Variants in ME1 observed in about 807,000 individuals in gnomAD.
ME1 encodes the protein NADP-dependent malic enzyme.
Under a neutral mutation model 66.4 loss-of-function variants are expected in ME1, and 74 were observed. The observed-to-expected ratio is 1.11, with a 90% confidence interval of 0.92 to 1.35. The LOEUF is 1.35. Among genes scored for constraint, ME1 ranks in the 40% most tolerant of loss-of-function variants. ME1 has a pLI of 0.00. For missense variants in ME1, 750 were observed against 694.1 expected (o/e 1.08, Z -0.90); for synonymous variants, 251 against 235.6 (o/e 1.07, Z -0.60).
intron 5 of ME1, among the ~76,000 whole-genome samples, chr6:83,344,392 T>A (rs1296309491): frequency 6.6e-6 from 1 of 152,136 alleles, no homozygotes; most frequent in African/African-American, 2.4e-5. Context: ...ATATTACATA[T>A]TTTTGTGATT....
intron 5 of ME1, among the ~76,000 whole-genome samples, chr6:83,332,429 C>G (rs956003691): frequency 6.6e-6 from 1 of 152,130 alleles, no homozygotes; most frequent in African/African-American, 2.4e-5. Context: ...GAAAAGAAGC[C>G]ATTATATCAA....
intron 1 of ME1, among the ~76,000 whole-genome samples, chr6:83,420,580 C>A (rs1204069281): frequency 2.0e-5 from 3 of 152,132 alleles, no homozygotes; most frequent in African/African-American, 7.2e-5. Context: ...TAGTGGTCAT[C>A]CTTATACCCA....
rs375648446 is a variant in ME1, at chr6:83,307,596, G to A, written c.704+7714C>T. 2.2e-4 allele frequency among the ~76,000 whole-genome samples: 34 copies of A among 152,134 alleles called. 1 individual carries two copies. The highest frequency in any genetic ancestry group is 7.7e-4 in the African/African-American group (32 of 41,514). ...CTCACAGACTTATAGATAAAATCAC[G>A]TAAGTTATAAATATATCCCCGTCAT... On this transcript the variant is annotated intron_variant, in intron 6 of 13. Transcript: ENST00000369705.
In ME1 at chr6:83,279,455, C is replaced by T. The variant is rs529112336; in HGVS notation, c.705-25717G>A. Among the ~76,000 whole-genome samples the T allele has an allele frequency of 1.1e-4, 16 of 152,096 alleles. No homozygotes were observed. The South Asian group carries it at 3.1e-3, about 30-fold the overall frequency. On this transcript the variant is annotated intron_variant, in intron 6 of 13. Coordinates refer to ENST00000369705, the MANE Select transcript of ME1 (RefSeq NM_002395.6). ...GCAGAGCAATAGAAACTCTAAGAATCGAAAGGTAATGATAGAAGTCAAAGT... is the reference window on the plus strand; with the variant it reads ...GCAGAGCAATAGAAACTCTAAGAATTGAAAGGTAATGATAGAAGTCAAAGT...
intron 5 of ME1, among the ~76,000 whole-genome samples, chr6:83,331,019 A>G (rs1768397732): frequency 6.6e-6 from 1 of 152,132 alleles, no homozygotes; most frequent in African/African-American, 2.4e-5. Context: ...GCCAGACTAA[A>G]CATAAAACTA....
intron 1 of ME1, among the ~76,000 whole-genome samples, chr6:83,426,928 A>C (rs965522731): frequency 6.6e-6 from 1 of 152,226 alleles, no homozygotes; most frequent in Non-Finnish European, 1.5e-5. Context: ...AAAGGGAAAT[A>C]AACTAATTGA....
intron 8 of ME1, 112 bp downstream of exon 8, chr6:83,239,427 A>G: frequency 1.5e-6 from 1 of 649,024 alleles, no homozygotes; most frequent in Non-Finnish European, 2.7e-6. Flanking sequence ...TAAAGCCTAC[A>G]GTCATAATAT....
At chr6:83,367,165 T>C (rs921493491) in intron 3 of ME1, among the ~76,000 whole-genome samples, 3 of 152,056 alleles carry the variant, frequency 2.0e-5, no homozygotes, top group African/African-American at 7.2e-5. Flanking sequence ...ATTTTGAAAA[T>C]AATCTTTTTT....
intron 4 of ME1, 50 bp downstream of exon 4, chr6:83,352,014 G>C: frequency 8.7e-7 from 1 of 1,153,770 alleles, no homozygotes; most frequent in Non-Finnish European, 1.3e-6. Flanking sequence ...CTGTTTTATG[G>C]GACAGAAAAA....
chr6:83,347,795 A>G (rs989284354), intron 4 of ME1, among the ~76,000 whole-genome samples: 2 of 152,290 alleles, frequency 1.3e-5, no homozygotes, highest in East Asian at 1.9e-4. Context: ...AGCATTTTAG[A>G]TGTAAAGAGA....
At chr6:83,422,795 A>G (rs1307294807) in intron 1 of ME1, among the ~76,000 whole-genome samples, 1 of 152,156 alleles carries the variant, frequency 6.6e-6, no homozygotes, top group Non-Finnish European at 1.5e-5. Flanking sequence ...AGTTTGGAAA[A>G]TAAAGAGAAA....
chr6:83,423,945 C>T (rs1770319666), intron 1 of ME1, among the ~76,000 whole-genome samples: 1 of 151,592 alleles, frequency 6.6e-6, no homozygotes, highest in South Asian at 2.1e-4. Flanking sequence ...GCCATCTCTA[C>T]AAAAAAATAC....
At chr6:83,287,422 C>G (rs964335140) in intron 6 of ME1, among the ~76,000 whole-genome samples, 3 of 152,078 alleles carry the variant, frequency 2.0e-5, no homozygotes, top group Non-Finnish European at 2.9e-5. Context: ...TCTGATCTTG[C>G]GATAGTTTGC....
intron 6 of ME1, among the ~76,000 whole-genome samples, chr6:83,281,399 TAACTC>T (rs1018310559): frequency 2.0e-5 from 3 of 152,224 alleles, no homozygotes; most frequent in Non-Finnish European, 4.4e-5. Flanking sequence ...TCATCTCTGA[TAACTC>T]ATCTAACAAC....
chr6:83,395,527 G>C (rs1403734676), intron 3 of ME1, among the ~76,000 whole-genome samples: 2 of 150,556 alleles, frequency 1.3e-5, no homozygotes, highest in Non-Finnish European at 3.0e-5. Context: ...CCAGGCTAGA[G>C]TGCAGTGGCG....
chr6:83,268,751 T>G (rs899805261), intron 6 of ME1, among the ~76,000 whole-genome samples: 1 of 149,768 alleles, frequency 6.7e-6, no homozygotes, highest in Admixed American at 6.7e-5. Flanking sequence ...TTATTATTAT[T>G]ATTATTATTA....
chr6:83,310,632 A>G (rs1767912737), intron 6 of ME1, among the ~76,000 whole-genome samples: 2 of 152,086 alleles, frequency 1.3e-5, no homozygotes, highest in Admixed American at 1.3e-4. Context: ...CAGTCCAACT[A>G]TTAAAACTCA....
chr6:83,273,446 T>A (rs1260959157), intron 6 of ME1, among the ~76,000 whole-genome samples: 1 of 152,138 alleles, frequency 6.6e-6, no homozygotes, highest in Non-Finnish European at 1.5e-5. Flanking sequence ...TAAATAAAGT[T>A]TTAAGAAGTT....
At chr6:83,312,284 C>T (rs975173494) in intron 6 of ME1, among the ~76,000 whole-genome samples, 4 of 152,164 alleles carry the variant, frequency 2.6e-5, no homozygotes, top group Non-Finnish European at 5.9e-5. Context: ...TAGAGGCATA[C>T]AGGAGCCAGT....
Sources: allele counts gnomAD v4.1 joint callset (sites outside exome capture counted in the v4.1 genomes callset), GRCh38; gene constraint gnomAD v4.1.1; transcripts MANE v1.5; gene names NCBI Gene and HGNC (gene_info 2026-07-23, HGNC 2026-07-21).